Variants in PCDHGA4 observed in about 807,000 individuals in gnomAD.
PCDHGA4 encodes protocadherin gamma subfamily A, 4.
In PCDHGA4, 38 loss-of-function variants were observed where a neutral mutation model predicts 54.6. The observed-to-expected ratio is 0.70, with a 90% CI of 0.54 to 0.91. The LOEUF (loss-of-function observed/expected upper bound fraction) is 0.91, where lower values mean the gene tolerates loss of function less well. PCDHGA4 is among the 40% of genes least tolerant of loss of function. PCDHGA4 has a pLI of 0.00. For missense variants in PCDHGA4, 1,298 were observed against 1,220.9 expected (o/e 1.06, Z -0.94); for synonymous variants, 511 against 512.9 (o/e 1.00, Z 0.05).
intron 1 of PCDHGA4, chr5:141,410,439 G>C: frequency 6.2e-7 from 1 of 1,614,008 alleles, no homozygotes; most frequent in Non-Finnish European, 8.5e-7. Context: ...TACAGTGAGG[G>C]GACTTTGCCT....
At position 141,490,712 on chromosome 5, in the gene PCDHGA4, A is replaced by T; in HGVS notation, c.2515-4095A>T. The stretch of plus-strand genomic sequence containing the variant: ...ACTGGGGATAATGCCCGCCTCACCT[A>T]CTCCATTGTAGGAAATCAGGTTCAG... On this transcript the variant is annotated intron_variant, in intron 1 of 3. Transcript: ENST00000571252. The surrounding 1 kb of genome is among the most constrained non-coding windows in gnomAD (Gnocchi z 5.4). The T allele has an allele frequency of 6.2e-7, 1 of 1,613,686 alleles. No homozygotes were observed. The highest frequency in any genetic ancestry group is 8.5e-7 in the Non-Finnish European group (1 of 1,179,894).
chr5:141,457,336 C>T (rs1032184011), intron 1 of PCDHGA4, among the ~76,000 whole-genome samples: 6 of 152,158 alleles, frequency 3.9e-5, no homozygotes, highest in Admixed American at 3.3e-4. Context: ...AGGTACCTTA[C>T]TTACTTTCAT....
chr5:141,395,127 C>T (rs767438347), intron 1 of PCDHGA4: 2 of 1,614,200 alleles, frequency 1.2e-6, no homozygotes, highest in African/African-American at 1.3e-5. Context: ...GATCTTTCCC[C>T]AGCCCAACTA....
chr5:141,487,361 A>C lies in PCDHGA4; in HGVS notation c.2515-7446A>C. On this transcript the variant is annotated intron_variant, in intron 1 of 3. Transcript: ENST00000571252. This position sits in a 1 kb window ranked among gnomAD's most constrained non-coding sequence, Gnocchi z 5.0. ...TGGAGTCACATGCTTTCCTGCTGGC[A>C]CCTGTGCCTGTCTCACCAGATCTCG... The C allele has an allele frequency of 1.2e-6, 2 of 1,613,834 alleles. No individual in the cohort carries two copies. Among genetic ancestry groups the C allele is most frequent in the East Asian group, 2.2e-5 (1 of 44,860 alleles).
At chr5:141,362,409 A>C (rs778172417) in intron 1 of PCDHGA4, 1 of 1,614,000 alleles carries the variant, frequency 6.2e-7, no homozygotes, top group Non-Finnish European at 8.5e-7. Flanking sequence ...GTGTTGCCTC[A>C]CAATCAGCCA....
chr5:141,404,517 A>C (rs1268035794), intron 1 of PCDHGA4: 1 of 1,613,938 alleles, frequency 6.2e-7, no homozygotes, highest in South Asian at 1.1e-5. Flanking sequence ...TCCTTTGACT[A>C]TGAGCAGTTT....
At position 141,372,541 on chromosome 5, in the gene PCDHGA4, G is replaced by C. The variant is rs376822583; in HGVS notation, c.2514+14920G>C. Reference sequence around the variant, plus strand: ...ATTCTGGCAATCTCCCTGCGCCTGCGATGCTCCTCCAGACCCGCCACTGAG... The same window carrying C: ...ATTCTGGCAATCTCCCTGCGCCTGCCATGCTCCTCCAGACCCGCCACTGAG... On this transcript the variant is annotated intron_variant, in intron 1 of 3. Transcript: ENST00000571252. 2.5e-6 allele frequency: 4 copies of C among 1,613,980 alleles called. No individual in the cohort carries two copies. The South Asian group carries it at 4.4e-5, about 18-fold the overall frequency.
intron 1 of PCDHGA4, chr5:141,388,940 C>T: frequency 6.2e-7 from 1 of 1,613,966 alleles, no homozygotes; most frequent in South Asian, 1.1e-5. Context: ...CTCTACCCAA[C>T]CTAATTATGG....
At chr5:141,450,006 CTTT>C (rs1554136305) in intron 1 of PCDHGA4, among the ~76,000 whole-genome samples, 9 of 132,974 alleles carry the variant, frequency 6.8e-5, no homozygotes, top group Admixed American at 7.8e-5. Context: ...TGCCATGTCT[CTTT>C]TTTTTTTTTT....
chr5:141,487,530 T>C lies in PCDHGA4; in HGVS notation c.2515-7277T>C. The stretch of plus-strand genomic sequence containing the variant: ...GCACCCACTCGGAGTGATAGCTTCA[T>C]GATGGTGAAGTCACCCAGTGCACCT... On this transcript the variant is annotated intron_variant, in intron 1 of 3. Coordinates refer to ENST00000571252, the MANE Select transcript of PCDHGA4 (RefSeq NM_018917.4). This position sits in a 1 kb window ranked among gnomAD's most constrained non-coding sequence, Gnocchi z 5.0. The C allele has an allele frequency of 6.2e-7, 1 of 1,614,218 alleles. No individual in the cohort carries two copies. The highest frequency in any genetic ancestry group is 8.5e-7 in the Non-Finnish European group (1 of 1,180,040).
rs1375291090 is a variant in PCDHGA4, at chr5:141,392,672, T to A, written c.2514+35051T>A. 5.7e-6 allele frequency: 5 copies of A among 880,364 alleles called. No homozygotes were observed. In the Admixed American group the frequency reaches 1.3e-4, roughly 22 times the overall value. 54.5% of individuals were successfully genotyped at this position (880,364 alleles called of 1,614,324 possible). A position where few individuals can be genotyped will look rare whatever the true frequency, so the allele number is the denominator to read the frequency against. Reference sequence around the variant, plus strand: ...CCCGCAGATGCCACAAACTAACTGCTGGACTGCAGCGAAACCCGACCCCTG... The same window carrying A: ...CCCGCAGATGCCACAAACTAACTGCAGGACTGCAGCGAAACCCGACCCCTG... On this transcript the variant is annotated intron_variant, in intron 1 of 3. Transcript: ENST00000571252.
chr5:141,418,647 G>C, intron 1 of PCDHGA4: 1 of 1,614,034 alleles, frequency 6.2e-7, no homozygotes, highest in Non-Finnish European at 8.5e-7. Flanking sequence ...TCCATCCTGA[G>C]AGTGAAGGCC....
chr5:141,384,002 T>C, intron 1 of PCDHGA4: 1 of 1,613,878 alleles, frequency 6.2e-7, no homozygotes, highest in South Asian at 1.1e-5. Flanking sequence ...GTCATTGCTC[T>C]TTTCTACCTA....
chr5:141,393,931 A>G (rs2092877378), intron 1 of PCDHGA4: 6 of 1,614,002 alleles, frequency 3.7e-6, no homozygotes, highest in Middle Eastern at 1.6e-4. Flanking sequence ...AGTGTGCATG[A>G]CCAAGACTCT....
intron 1 of PCDHGA4, among the ~76,000 whole-genome samples, chr5:141,465,966 C>T (rs904439039): frequency 5.3e-5 from 8 of 151,802 alleles, no homozygotes; most frequent in Non-Finnish European, 1.0e-4. Context: ...ACTAAAAATA[C>T]AAAAAATTAG....
Position 141,392,895 on chromosome 5 carries a change from A to C in PCDHGA4, c.2514+35274A>C, listed in dbSNP as rs1213908930. ...GCTGGGAACGCTGTGGGAAATCGGG[A>C]GGGGACAGATTCGCTACTCTGTGCC... On this transcript the variant is annotated intron_variant, in intron 1 of 3. Transcript: ENST00000571252. 11 of 1,613,660 alleles carry C rather than the reference A, an allele frequency of 6.8e-6. No individual in the cohort carries two copies. The Admixed American group carries it at 1.8e-4, about 27-fold the overall frequency.
chr5:141,390,665 TA>T, intron 1 of PCDHGA4: 1 of 192,900 alleles, frequency 5.2e-6, no homozygotes, highest in Non-Finnish European at 1.1e-5. Flanking sequence ...ACCATAAATA[TA>T]AAAATAATAA....
chr5:141,482,016 C>T (rs2099550411), intron 1 of PCDHGA4, among the ~76,000 whole-genome samples: 1 of 148,596 alleles, frequency 6.7e-6, no homozygotes, highest in African/African-American at 2.5e-5. Context: ...TCTCAGGAAG[C>T]AGAGGTTGCA....
At chr5:141,390,064 C>A in intron 1 of PCDHGA4, 3 of 1,614,058 alleles carry the variant, frequency 1.9e-6, no homozygotes, top group Middle Eastern at 3.3e-4. Context: ...TGCTTCCAGC[C>A]TGGTCTCTGT....
Sources: allele counts gnomAD v4.1 joint callset (sites outside exome capture counted in the v4.1 genomes callset), GRCh38; gene constraint gnomAD v4.1.1; non-coding constraint Gnocchi (gnomAD v3.1); transcripts MANE v1.5; gene names NCBI Gene and HGNC (gene_info 2026-07-23, HGNC 2026-07-21).